Variants in ABTB3 observed in about 807,000 individuals in gnomAD.
ABTB3 encodes ankyrin repeat and BTB domain containing 3.
the ABTB3 span, among the ~76,000 whole-genome samples, chr12:107,436,951 T>TC: frequency 1.9e-3 from 290 of 149,960 alleles, no homozygotes; most frequent in East Asian, 9.0e-3. Context: ...CGCTTCTGCA[T>TC]CCCCCCCCGC....
At chr12:107,657,178 G>A in the ABTB3 span, among the ~76,000 whole-genome samples, 13 of 152,232 alleles carry the variant, frequency 8.5e-5, no homozygotes, top group African/African-American at 2.9e-4. Flanking sequence ...GCCTCTTGGA[G>A]GCCACAGAAT....
the ABTB3 span, among the ~76,000 whole-genome samples, chr12:107,337,849 G>T: frequency 4.6e-5 from 7 of 152,200 alleles, no homozygotes; most frequent in African/African-American, 1.7e-4. Context: ...TAATCAAATT[G>T]GCAATGTAGA....
chr12:107,418,042 T>C, the ABTB3 span, among the ~76,000 whole-genome samples: 110 of 152,330 alleles, frequency 7.2e-4, no homozygotes, highest in African/African-American at 2.4e-3. Flanking sequence ...GTCAATTTGA[T>C]TGGATTAAAG....
chr12:107,606,933 C>A, the ABTB3 span, among the ~76,000 whole-genome samples: 1 of 152,198 alleles, frequency 6.6e-6, no homozygotes, highest in African/African-American at 2.4e-5. Flanking sequence ...CTTACTCTGG[C>A]CCGCCTCCCT....
At chr12:107,575,390 C>T in the ABTB3 span, among the ~76,000 whole-genome samples, 2 of 152,064 alleles carry the variant, frequency 1.3e-5, no homozygotes, top group Admixed American at 6.6e-5. Context: ...CGGTACCAGG[C>T]GCCACGCTAA....
chr12:107,641,194 A>T, the ABTB3 span, among the ~76,000 whole-genome samples: 1 of 152,148 alleles, frequency 6.6e-6, no homozygotes, highest in East Asian at 1.9e-4. Flanking sequence ...CCCCACCAAA[A>T]CCAAACACAA....
the ABTB3 span, among the ~76,000 whole-genome samples, chr12:107,360,930 A>ATTTTTTTTTTTTTTTTTTTTTTTTT: frequency 1.2e-5 from 1 of 84,436 alleles, no homozygotes; most frequent in African/African-American, 5.1e-5. Flanking sequence ...ATTTAATTTA[A>ATTTTTTTTTTTTTTTTTTTTTTTTT]TTTTTTTTTT....
At chr12:107,557,188 G>A in the ABTB3 span, among the ~76,000 whole-genome samples, 1 of 152,196 alleles carries the variant, frequency 6.6e-6, no homozygotes, top group African/African-American at 2.4e-5. Context: ...ACATTGTAGA[G>A]TGTACTTACG....
chr12:107,636,935 C>A, the ABTB3 span, among the ~76,000 whole-genome samples: 25 of 152,330 alleles, frequency 1.6e-4, 1 homozygote, highest in East Asian at 4.8e-3. Context: ...GGAACATTTT[C>A]TCCTCCTGAA....
the ABTB3 span, among the ~76,000 whole-genome samples, chr12:107,588,953 G>C: frequency 6.6e-6 from 1 of 152,166 alleles, no homozygotes; most frequent in African/African-American, 2.4e-5. Context: ...AGAGCACTGT[G>C]GTTAGAACCA....
chr12:107,405,442 T>C, the ABTB3 span, among the ~76,000 whole-genome samples: 27 of 152,374 alleles, frequency 1.8e-4, 1 homozygote, highest in Non-Finnish European at 3.4e-4. Flanking sequence ...TACTGACTTA[T>C]ATTCTACTTT....
At chr12:107,447,588 C>T in the ABTB3 span, among the ~76,000 whole-genome samples, 1 of 152,194 alleles carries the variant, frequency 6.6e-6, no homozygotes, top group South Asian at 2.1e-4. Context: ...CGTGTTCTTG[C>T]CTGCAACTGG....
the ABTB3 span, among the ~76,000 whole-genome samples, chr12:107,353,253 A>G: frequency 2.0e-5 from 3 of 152,056 alleles, no homozygotes; most frequent in Non-Finnish European, 4.4e-5. Context: ...TGAGCCCAGC[A>G]TGGTGGGGGG....
At chr12:107,538,138 TA>T in the ABTB3 span, among the ~76,000 whole-genome samples, 1 of 151,048 alleles carries the variant, frequency 6.6e-6, no homozygotes, top group South Asian at 2.1e-4. Flanking sequence ...GCCAAAACCC[TA>T]GGGATGCAGA....
chr12:107,626,648 G>T, the ABTB3 span, among the ~76,000 whole-genome samples: 1 of 151,944 alleles, frequency 6.6e-6, no homozygotes, highest in African/African-American at 2.4e-5. Flanking sequence ...AACCATCTGG[G>T]ATCTCAGGTA....
At chr12:107,619,208 T>C in the ABTB3 span, among the ~76,000 whole-genome samples, 1 of 152,142 alleles carries the variant, frequency 6.6e-6, no homozygotes, top group African/African-American at 2.4e-5. Flanking sequence ...GGAGCCTATT[T>C]TGCATGATGA....
the ABTB3 span, among the ~76,000 whole-genome samples, chr12:107,370,658 TG>T: frequency 1.3e-5 from 2 of 150,814 alleles, no homozygotes; most frequent in Non-Finnish European, 2.9e-5. Context: ...GGTGGCCTGG[TG>T]GGGCTGCTGA....
the ABTB3 span, chr12:107,610,467 C>A: frequency 8.0e-7 from 1 of 1,242,242 alleles, no homozygotes; most frequent in East Asian, 2.4e-5. Context: ...AGAGGCTCCC[C>A]CTACTGACGG....
the ABTB3 span, among the ~76,000 whole-genome samples, chr12:107,400,841 C>T: frequency 0.011 from 1,635 of 152,214 alleles, 22 homozygotes; most frequent in African/African-American, 0.029. Flanking sequence ...CAAGCAGATC[C>T]GGTGCCCAGA....
Sources: gnomAD v4.1 joint callset for allele counts (sites outside exome capture counted in the v4.1 genomes callset) on GRCh38, gnomAD v4.1.1 for gene constraint, MANE v1.5 for transcripts, NCBI Gene and HGNC (gene_info 2026-07-23, HGNC 2026-07-21) for gene names.